Variants in GPC5 observed in about 807,000 individuals in gnomAD.
GPC5 encodes the protein glypican 5, also known as glypican-5.
A neutral mutation model predicts 53.9 loss-of-function variants in GPC5; 47 were observed. That is an observed-to-expected ratio of 0.87 (90% CI 0.69 to 1.11). The LOEUF is 1.11. GPC5 is among the 50% of genes most tolerant of loss of function. The pLI is 0.00. For synonymous variants in GPC5, 286 were observed against 263.3 expected, an observed-to-expected ratio of 1.09 and a Z score of -0.84; for missense variants, 748 against 713.1, an observed-to-expected ratio of 1.05 and a Z score of -0.56.
intron 7 of GPC5, among the ~76,000 whole-genome samples, chr13:92,726,019 C>G (rs1888636324): frequency 6.6e-6 from 1 of 151,506 alleles, no homozygotes; most frequent in Non-Finnish European, 1.5e-5. Context: ...GAATATTGCT[C>G]TAGGTGAGGT....
intron 7 of GPC5, among the ~76,000 whole-genome samples, chr13:92,263,569 A>G (rs1295911895): frequency 6.6e-6 from 1 of 152,158 alleles, no homozygotes; most frequent in African/African-American, 2.4e-5. Flanking sequence ...CAGGAAGTAT[A>G]GTATAATATA....
intron 7 of GPC5, among the ~76,000 whole-genome samples, chr13:92,397,934 A>C (rs1162639236): frequency 6.6e-6 from 1 of 152,172 alleles, no homozygotes; most frequent in Non-Finnish European, 1.5e-5. Context: ...CTATATCAAA[A>C]TATACAGGCA....
chr13:92,324,725 G>T, intron 7 of GPC5, among the ~76,000 whole-genome samples: 1 of 151,640 alleles, frequency 6.6e-6, no homozygotes, highest in Non-Finnish European at 1.5e-5. Flanking sequence ...ATATATAGCT[G>T]TACTATATAT....
At chr13:92,306,214 T>G (rs1196815981) in intron 7 of GPC5, among the ~76,000 whole-genome samples, 1 of 152,228 alleles carries the variant, frequency 6.6e-6, no homozygotes, top group Admixed American at 6.5e-5. Flanking sequence ...TTTTTTAAAA[T>G]GAAATCTTGT....
At chr13:91,572,839 T>A (rs1271581337) in intron 2 of GPC5, among the ~76,000 whole-genome samples, 1 of 152,192 alleles carries the variant, frequency 6.6e-6, no homozygotes, top group Non-Finnish European at 1.5e-5. Context: ...AGTTTAAATA[T>A]TCAACCTATT....
intron 5 of GPC5, among the ~76,000 whole-genome samples, chr13:91,830,800 TATAA>T (rs2138853931): frequency 7.2e-6 from 1 of 138,782 alleles, no homozygotes; most frequent in East Asian, 2.1e-4. Flanking sequence ...CTATTATATA[TATAA>T]TATATATCCT....
intron 6 of GPC5, among the ~76,000 whole-genome samples, chr13:92,133,516 A>G (rs907395175): frequency 2.0e-5 from 3 of 152,210 alleles, no homozygotes; most frequent in Non-Finnish European, 2.9e-5. Flanking sequence ...AATCCTTCAC[A>G]GTTCATTCAA....
At chr13:92,652,687 C>T (rs1855366) in intron 7 of GPC5, among the ~76,000 whole-genome samples, 1 of 152,016 alleles carries the variant, frequency 6.6e-6, no homozygotes, top group African/African-American at 2.4e-5. Flanking sequence ...TTCTAGTATA[C>T]AAACTGATAC....
chr13:92,519,639 G>A (rs554480853), intron 7 of GPC5, among the ~76,000 whole-genome samples: 2 of 152,192 alleles, frequency 1.3e-5, no homozygotes, highest in Non-Finnish European at 2.9e-5. Context: ...GTGTGTAGAG[G>A]GAAATTTATA....
intron 6 of GPC5, among the ~76,000 whole-genome samples, chr13:92,049,421 A>G (rs1425257849): frequency 6.6e-6 from 1 of 152,184 alleles, no homozygotes; most frequent in East Asian, 1.9e-4. Context: ...TCGAATGAAT[A>G]AATACAGGGA....
chr13:92,241,780 C>A (rs1314005055), intron 7 of GPC5: 1 of 152,072 alleles, frequency 6.6e-6, no homozygotes, highest in Non-Finnish European at 1.5e-5. Context: ...TGAAAATATT[C>A]TTAGGCAAGT....
At chr13:92,299,188 T>G (rs1161134625) in intron 7 of GPC5, among the ~76,000 whole-genome samples, 1 of 152,240 alleles carries the variant, frequency 6.6e-6, no homozygotes, top group African/African-American at 2.4e-5. Context: ...CAGCCTTTTT[T>G]TTCTTTTGTC....
chr13:92,315,233 C>G (rs1471276878), intron 7 of GPC5, among the ~76,000 whole-genome samples: 2 of 152,138 alleles, frequency 1.3e-5, no homozygotes, highest in Non-Finnish European at 2.9e-5. Context: ...GGAATAATCC[C>G]AGGAGCAAGA....
At chr13:92,447,219 C>T (rs778312420) in intron 7 of GPC5, 9 of 152,062 alleles carry the variant, frequency 5.9e-5, no homozygotes, top group Non-Finnish European at 1.0e-4. Context: ...AGTCCAGTGT[C>T]CTGAAGAGTT....
intron 7 of GPC5, among the ~76,000 whole-genome samples, chr13:92,450,039 C>A (rs150503191): frequency 0.013 from 1,970 of 152,084 alleles, 43 homozygotes; most frequent in African/African-American, 0.045. Context: ...AAACTCCAAA[C>A]AAAAGGAAAG....
At chr13:92,336,189 T>C (rs1245605250) in intron 7 of GPC5, among the ~76,000 whole-genome samples, 1 of 152,242 alleles carries the variant, frequency 6.6e-6, no homozygotes, top group Admixed American at 6.5e-5. Flanking sequence ...TCCATGTTTC[T>C]ACAGATCTCA....
chr13:92,119,656 G>A (rs1463820901), intron 6 of GPC5, among the ~76,000 whole-genome samples: 2 of 141,860 alleles, frequency 1.4e-5, no homozygotes, highest in Admixed American at 7.6e-5. Flanking sequence ...TCCTGACCTC[G>A]TGATCCGCCC....
chr13:91,932,333 C>G (rs143377167), intron 6 of GPC5, among the ~76,000 whole-genome samples: 1 of 152,142 alleles, frequency 6.6e-6, no homozygotes, highest in Non-Finnish European at 1.5e-5. Context: ...TCTGCCCTAA[C>G]CAGGGCATGA....
intron 2 of GPC5, among the ~76,000 whole-genome samples, chr13:91,522,766 T>C (rs1215920250): frequency 2.0e-5 from 3 of 152,158 alleles, no homozygotes; most frequent in Admixed American, 6.5e-5. Flanking sequence ...ACATGTGGTG[T>C]TTGGTTTTCT....
Sources: allele counts gnomAD v4.1 joint callset (sites outside exome capture counted in the v4.1 genomes callset), GRCh38; gene constraint gnomAD v4.1.1; transcripts MANE v1.5; gene names NCBI Gene and HGNC (gene_info 2026-07-23, HGNC 2026-07-21).